Variants in IPO11 observed in about 807,000 individuals in gnomAD.
IPO11 encodes the protein importin-11.
In IPO11, 66 loss-of-function variants were observed where a neutral mutation model predicts 143.2. The ratio of observed to expected loss-of-function variants is 0.46; its 90% CI spans 0.38 to 0.57. The LOEUF is 0.57. Ranked by LOEUF, IPO11 falls within the 20% of genes least tolerant of loss-of-function variation. The probability of loss-of-function intolerance (pLI) is 0.00; values close to 1 mark genes in which losing one functional copy is unlikely to be tolerated. For synonymous variants in IPO11, 385 were observed against 377.8 expected, an observed-to-expected ratio of 1.02 and a Z score of -0.22; for missense variants, 1,026 against 1,141.0, an observed-to-expected ratio of 0.90 and a Z score of 1.45.
At chr5:62,515,573 G>GT in intron 20 of IPO11, 72 bp downstream of exon 20, 1 of 922,906 alleles carries the variant, frequency 1.1e-6, no homozygotes, top group Non-Finnish European at 1.6e-6. Context: ...TTTAAAAATT[G>GT]TTTTTATGTG....
chr5:62,443,508 G>T (rs1233583853), intron 3 of IPO11, among the ~76,000 whole-genome samples: 2 of 151,250 alleles, frequency 1.3e-5, no homozygotes, highest in Non-Finnish European at 2.9e-5. Flanking sequence ...CTCTGTTTTA[G>T]TCGTACCCAC....
chr5:62,621,267 A>G (rs748077439), intron 29 of IPO11, among the ~76,000 whole-genome samples: 7 of 152,198 alleles, frequency 4.6e-5, no homozygotes, highest in Middle Eastern at 3.2e-3. Context: ...GGTTCTTGTC[A>G]CACGACCAGG....
intron 29 of IPO11, among the ~76,000 whole-genome samples, chr5:62,605,476 C>T (rs1745674670): frequency 6.6e-6 from 1 of 152,110 alleles, no homozygotes; most frequent in Non-Finnish European, 1.5e-5. Context: ...CTTAGAATAG[C>T]ACATGCAGCT....
At chr5:62,427,939 G>T (rs1323376968) in intron 1 of IPO11, among the ~76,000 whole-genome samples, 1 of 152,222 alleles carries the variant, frequency 6.6e-6, no homozygotes, top group East Asian at 1.9e-4. Context: ...AACGTATAGT[G>T]TGCAGGGACA....
chr5:62,552,465 A>G (rs754026905), intron 26 of IPO11, among the ~76,000 whole-genome samples: 81 of 147,982 alleles, frequency 5.5e-4, no homozygotes, highest in Non-Finnish European at 9.7e-4. Flanking sequence ...GGTAATATAT[A>G]TTTTTTAGTT....
At chr5:62,504,522 C>T in intron 16 of IPO11, 145 bp from the exon 17 acceptor site, 3 of 533,192 alleles carry the variant, frequency 5.6e-6, no homozygotes, top group South Asian at 2.8e-5. Flanking sequence ...GGAGAGTATC[C>T]CTTTATTTCT....
chr5:62,450,726 T>C (rs557723067), intron 4 of IPO11, among the ~76,000 whole-genome samples: 1 of 151,874 alleles, frequency 6.6e-6, no homozygotes, highest in African/African-American at 2.4e-5. Flanking sequence ...ATCCATCACA[T>C]TTTCAATTCC....
rs201539969 is a variant in IPO11, at chr5:62,593,141, A to G, written c.2678+1469A>G. 6.6e-5 allele frequency among the ~76,000 whole-genome samples: 10 copies of G among 151,228 alleles called. No individual in the cohort carries two copies. The South Asian group carries it at 1.1e-3, about 16-fold the overall frequency. The stretch of plus-strand genomic sequence containing the variant: ...TATCTTGTTTTGTGCAGGGCACACC[A>G]AACAGTACAGTTCTAGATTTTGCTT... On this transcript the variant is annotated intron_variant, in intron 28 of 29. Transcript: ENST00000325324.
At chr5:62,495,007 A>G (rs545032835) in intron 16 of IPO11, among the ~76,000 whole-genome samples, 3 of 152,324 alleles carry the variant, frequency 2.0e-5, no homozygotes, top group South Asian at 4.1e-4. Flanking sequence ...ATATGCTGAC[A>G]TAAAGAAAGC....
chr5:62,482,253 T>G (rs1746240838), intron 9 of IPO11, among the ~76,000 whole-genome samples: 1 of 152,124 alleles, frequency 6.6e-6, no homozygotes, highest in Non-Finnish European at 1.5e-5. Context: ...GATTCATTGA[T>G]TTTTTGAAGG....
rs575083630 is a variant in IPO11, at chr5:62,520,370, G to A, written c.1896+4869G>A. Reference sequence around the variant, plus strand: ...TACTTTCATCATCTTGAAGAGATACGACAGATTTTTTTTTTTTTAACACTT... The same window carrying A: ...TACTTTCATCATCTTGAAGAGATACAACAGATTTTTTTTTTTTTAACACTT... On this transcript the variant is annotated intron_variant, in intron 20 of 29. Transcript: ENST00000325324. Among the ~76,000 whole-genome samples, 11 of 150,746 alleles carry A rather than the reference G, an allele frequency of 7.3e-5. No homozygotes were observed. The South Asian group carries it at 1.2e-3, about 17-fold the overall frequency.
chr5:62,414,166 G>T (rs1743212707), intron 1 of IPO11, among the ~76,000 whole-genome samples: 1 of 152,208 alleles, frequency 6.6e-6, no homozygotes, highest in African/African-American at 2.4e-5. Context: ...AATATGTAAA[G>T]ATTATCTGAT....
intron 1 of IPO11, among the ~76,000 whole-genome samples, chr5:62,428,123 C>T (rs767293923): frequency 7.2e-5 from 11 of 152,176 alleles, no homozygotes; most frequent in Non-Finnish European, 1.3e-4. Flanking sequence ...AGAAGTCTTA[C>T]ATTCTTTCAC....
At chr5:62,534,391 A>G (rs143201919) in intron 22 of IPO11, among the ~76,000 whole-genome samples, 182 of 152,318 alleles carry the variant, frequency 1.2e-3, no homozygotes, top group African/African-American at 4.2e-3. Flanking sequence ...TAGATTCTCT[A>G]TAACATAATT....
intron 27 of IPO11, among the ~76,000 whole-genome samples, chr5:62,588,850 T>C (rs1744903613): frequency 6.6e-6 from 1 of 152,238 alleles, no homozygotes; most frequent in Non-Finnish European, 1.5e-5. Context: ...TCACTGCCAT[T>C]GAGCAATCTT....
intron 28 of IPO11, among the ~76,000 whole-genome samples, chr5:62,598,890 G>A (rs1032169595): frequency 4.0e-5 from 6 of 151,656 alleles, no homozygotes; most frequent in Non-Finnish European, 8.8e-5. Flanking sequence ...CAGTTACATA[G>A]CCATAAAAAA....
chr5:62,454,193 A>C (rs1745042415), intron 5 of IPO11, among the ~76,000 whole-genome samples: 1 of 152,166 alleles, frequency 6.6e-6, no homozygotes, highest in East Asian at 1.9e-4. Flanking sequence ...TATTGTATGT[A>C]AGAGAAATTA....
chr5:62,431,276 G>A (rs538793046), intron 1 of IPO11, among the ~76,000 whole-genome samples: 1 of 152,096 alleles, frequency 6.6e-6, no homozygotes, highest in African/African-American at 2.4e-5. Context: ...ACCACATCTG[G>A]GCCTTACAGT....
intron 28 of IPO11, among the ~76,000 whole-genome samples, chr5:62,593,386 T>C (rs1264209358): frequency 6.6e-6 from 1 of 152,314 alleles, no homozygotes; most frequent in East Asian, 1.9e-4. Flanking sequence ...CAGTGGCTCC[T>C]GCCTGTAATC....
Sources: gnomAD v4.1 joint callset for allele counts (sites outside exome capture counted in the v4.1 genomes callset) on GRCh38, gnomAD v4.1.1 for gene constraint, MANE v1.5 for transcripts, NCBI Gene and HGNC (gene_info 2026-07-23, HGNC 2026-07-21) for gene names.